CUX1: variants seen among roughly 807,000 people sequenced by gnomAD.
CUX1 encodes the protein cut like homeobox 1, also known as protein CASP.
Under a neutral mutation model 158.8 loss-of-function variants are expected in CUX1, and 31 were observed. That is an observed-to-expected ratio of 0.20 (90% CI 0.15 to 0.26). The LOEUF (loss-of-function observed/expected upper bound fraction) is 0.26. Ranked by LOEUF, CUX1 falls within the 10% of genes least tolerant of loss-of-function variation. The probability of loss-of-function intolerance (pLI) is 1.00; values close to 1 mark genes in which losing one functional copy is unlikely to be tolerated. For synonymous variants in CUX1, 879 were observed against 862.1 expected (o/e 1.02, Z -0.34); for missense variants, 1,589 against 2,014.6 (o/e 0.79, Z 4.04).
intron 20 of CUX1, among the ~76,000 whole-genome samples, chr7:102,216,623 A>ACG (rs1349804533): frequency 3.4e-5 from 3 of 89,406 alleles, no homozygotes; most frequent in Non-Finnish European, 6.7e-5. Context: ...CACTCCCCAC[A>ACG]CACACACCCC....
intron 8 of CUX1, among the ~76,000 whole-genome samples, chr7:102,121,347 G>A (rs534158455): frequency 1.5e-5 from 2 of 131,310 alleles, no homozygotes; most frequent in African/African-American, 6.1e-5. Context: ...TTTGCTTTTT[G>A]GTTTTTTTTT....
In CUX1 at chr7:102,173,263, G is replaced by C. The variant is rs925088047; in HGVS notation, c.828+2713G>C. Among the ~76,000 whole-genome samples, 3 of 152,206 alleles carry C rather than the reference G, an allele frequency of 2.0e-5. No homozygotes were observed. In the East Asian group the frequency reaches 5.8e-4, roughly 29 times the overall value. The stretch of plus-strand genomic sequence containing the variant: ...TAATCCCAGCTACTCAGGAGGCTGA[G>C]GTAGGAGAATCGCTTGAACCTGGGA... On this transcript the variant is annotated intron_variant, in intron 10 of 23. Transcript: ENST00000292535.
chr7:101,920,428 T>G (rs1403525916), intron 2 of CUX1, among the ~76,000 whole-genome samples: 2 of 152,114 alleles, frequency 1.3e-5, no homozygotes, highest in Non-Finnish European at 2.9e-5. Context: ...GGCCGTAGTT[T>G]TTAAATTTTC....
intron 9 of CUX1, among the ~76,000 whole-genome samples, chr7:102,161,685 A>G (rs1790443640): frequency 6.6e-6 from 1 of 152,192 alleles, no homozygotes; most frequent in Non-Finnish European, 1.5e-5. Flanking sequence ...ATCTCAGCTC[A>G]CTGCATCCTC....
intron 1 of CUX1, among the ~76,000 whole-genome samples, chr7:101,859,149 T>C (rs1302468987): frequency 6.6e-6 from 1 of 152,154 alleles, no homozygotes; most frequent in Non-Finnish European, 1.5e-5. Flanking sequence ...GCACTGCCCA[T>C]GAGAGCTGGG....
rs1489758163 is a variant in CUX1 at position 102,254,325 on chromosome 7, CTG to C, written c.*5285_*5286del. 1.8e-5 allele frequency: 18 copies of C among 985,556 alleles called. No homozygotes were observed. Among genetic ancestry groups the C allele is most frequent in the Non-Finnish European group, 2.2e-5 (18 of 830,030 alleles). The allele number at this position is 985,556 out of a possible 1,614,324, so 61.1% of individuals were successfully genotyped here. A position where few individuals can be genotyped will look rare whatever the true frequency, so the allele number is the denominator to read the frequency against. ...AGTTCCCAGCTGGCTTTGGGGAACA[CTG>C]TAGCTCTTGGGTGTCTCTTGTCTCT... On this transcript the variant is annotated 3_prime_UTR_variant, in exon 24 of 24. Transcript: ENST00000292535.
intron 11 of CUX1, among the ~76,000 whole-genome samples, chr7:102,188,204 TAAAAA>T (rs35225944): frequency 7.5e-5 from 11 of 147,322 alleles, no homozygotes; most frequent in African/African-American, 2.5e-4. Flanking sequence ...GTCTCTTTTT[TAAAAA>T]AAAAAAGAAG....
Position 102,178,514 on chromosome 7 carries a change from T to C in CUX1, c.874T>C (p.Leu292=), listed in dbSNP as rs1554512738. The C allele has an allele frequency of 6.2e-7, 1 of 1,612,594 alleles. No homozygotes were observed. The highest frequency in any genetic ancestry group is 8.5e-7 in the Non-Finnish European group (1 of 1,178,906). Residue 292 remains leucine (L), a synonymous_variant, in exon 11 of 24, where the codon TTG becomes CTG. Coordinates refer to ENST00000292535, the MANE Select transcript of CUX1 (RefSeq NM_181552.4). ...VLTRSSLEVE[L]AAKEREIAQL... ...GACCCGCTCCAGCCTAGAAGTTGAGTTGGCCGCCAAGGAGCGGGAGATCGC... is the reference window on the plus strand; with the variant it reads ...GACCCGCTCCAGCCTAGAAGTTGAGCTGGCCGCCAAGGAGCGGGAGATCGC...
chr7:102,151,789 C>T (rs1335149323), intron 8 of CUX1, among the ~76,000 whole-genome samples: 1 of 150,878 alleles, frequency 6.6e-6, no homozygotes, highest in Non-Finnish European at 1.5e-5. Context: ...AAGCAAGACC[C>T]GCCTCCTTGG....
intron 4 of CUX1, among the ~76,000 whole-genome samples, chr7:102,085,657 C>T (rs1554480190): frequency 1.3e-5 from 2 of 152,190 alleles, no homozygotes; most frequent in African/African-American, 4.8e-5. Context: ...ACAAATTACC[C>T]AGTCTAGGGT....
At chr7:102,134,053 G>C (rs151245100) in intron 8 of CUX1, among the ~76,000 whole-genome samples, 26 of 152,272 alleles carry the variant, frequency 1.7e-4, no homozygotes, top group Admixed American at 7.8e-4. Flanking sequence ...AAAAAAGATT[G>C]TCCTGGCGCG....
In CUX1 at chr7:102,201,609, C is replaced by A; in HGVS notation, c.2312C>A (p.Pro771His). The change falls in exon 18 of 24, where the codon CCT becomes CAT. Residue 771 changes from proline to histidine, a missense_variant. Physicochemically the swap from Pro to His is moderately conservative, Grantham distance 77. Coordinates refer to ENST00000292535, the MANE Select transcript of CUX1 (RefSeq NM_181552.4). The surrounding 1 kb of genome is among the most constrained non-coding windows in gnomAD (Gnocchi z 5.0). The stretch of plus-strand genomic sequence containing the variant: ...TCCCTGAAGAAGCCCTCCGCAGCTC[C>A]TGAGGCCGGTGCCTCTGCTCTGCCG... ...AISLKKPSAA[P>H]EAGASALPNP... 6.2e-7 allele frequency: 1 copy of A among 1,614,064 alleles called. No homozygotes were observed. Among genetic ancestry groups the A allele is most frequent in the East Asian group, 2.2e-5 (1 of 44,874 alleles).
chr7:101,828,078 T>C (rs1793585962), intron 1 of CUX1, among the ~76,000 whole-genome samples: 1 of 149,438 alleles, frequency 6.7e-6, no homozygotes, highest in South Asian at 2.1e-4. Flanking sequence ...CAGGTTCAAG[T>C]GATTCTCCTG....
intron 21 of CUX1, among the ~76,000 whole-genome samples, chr7:102,230,885 G>C (rs1221211638): frequency 6.6e-6 from 1 of 152,074 alleles, no homozygotes; most frequent in Non-Finnish European, 1.5e-5. Context: ...AAATCAGATA[G>C]GGTCTAGCTC....
At chr7:101,833,597 G>A (rs148010263) in intron 1 of CUX1, among the ~76,000 whole-genome samples, 67 of 134,630 alleles carry the variant, frequency 5.0e-4, no homozygotes, top group African/African-American at 1.7e-3. Context: ...GAATCCAAAA[G>A]CAAGCTTATG....
intron 5 of CUX1, among the ~76,000 whole-genome samples, chr7:102,098,439 C>CT (rs1563238913): frequency 2.0e-5 from 3 of 152,192 alleles, no homozygotes; most frequent in African/African-American, 7.2e-5. Flanking sequence ...TAGCAATACT[C>CT]TGTCTCTACA....
intron 1 of CUX1, among the ~76,000 whole-genome samples, chr7:101,818,720 TACGGAATGTCA>T (rs1466365686): frequency 2.0e-5 from 3 of 152,332 alleles, no homozygotes; most frequent in African/African-American, 7.2e-5. Context: ...TTTAGTCGAA[TACGGAATGTCA>T]AAGTTCAAGT....
intron 2 of CUX1, among the ~76,000 whole-genome samples, chr7:101,922,738 G>A (rs1805099900): frequency 2.0e-5 from 3 of 152,212 alleles, no homozygotes; most frequent in African/African-American, 7.2e-5. Flanking sequence ...GCAGGGACAG[G>A]GTGTGCCTGG....
At chr7:101,816,185 C>T (rs1160620532), upstream of CUX1, 8 of 496,362 alleles carry the variant, frequency 1.6e-5, no homozygotes, top group South Asian at 8.3e-5. Flanking sequence ...GCCCAGCCGC[C>T]GGGGGGCCCG....
Sources: allele counts gnomAD v4.1 joint callset (sites outside exome capture counted in the v4.1 genomes callset), GRCh38; gene constraint gnomAD v4.1.1; non-coding constraint Gnocchi (gnomAD v3.1); transcripts MANE v1.5; gene names NCBI Gene and HGNC (gene_info 2026-07-23, HGNC 2026-07-21).